The following SPATA13 variants were observed in gnomAD, a reference collection of about 807,000 sequenced individuals.
SPATA13 encodes the protein spermatogenesis-associated protein 13.
A neutral mutation model predicts 104.0 loss-of-function variants in SPATA13; 50 were observed. The observed-to-expected ratio is 0.48, with a 90% CI of 0.38 to 0.61. The LOEUF (loss-of-function observed/expected upper bound fraction) is 0.61, where lower values mean the gene tolerates loss of function less well. Ranked by LOEUF, SPATA13 falls within the 20% of genes least tolerant of loss-of-function variation. The pLI is 0.00. For synonymous variants in SPATA13, 606 were observed against 667.5 expected, an observed-to-expected ratio of 0.91 and a Z score of 1.42; for missense variants, 1,524 against 1,690.6, an observed-to-expected ratio of 0.90 and a Z score of 1.73.
chr13:24,187,780 C>T (rs1023668279), intron 1 of SPATA13, among the ~76,000 whole-genome samples: 9 of 152,144 alleles, frequency 5.9e-5, no homozygotes, highest in Non-Finnish European at 1.3e-4. Flanking sequence ...GCTGGCCACT[C>T]CCAGTCTCTC....
chr13:24,057,148 G>A (rs1309266727), intron 3 of SPATA13, among the ~76,000 whole-genome samples: 1 of 149,464 alleles, frequency 6.7e-6, no homozygotes, highest in Non-Finnish European at 1.5e-5. Context: ...TGTTACATAT[G>A]TATACATGTG....
chr13:24,182,473 A>T (rs924805879), intron 1 of SPATA13, among the ~76,000 whole-genome samples: 10 of 142,136 alleles, frequency 7.0e-5, no homozygotes, highest in Middle Eastern at 3.6e-3. Flanking sequence ...TCACATGATG[A>T]GAGAGGAAGT....
At position 24,189,493 on chromosome 13, in the gene SPATA13, A is replaced by G. The variant is rs1223157799; in HGVS notation, c.-112+28561A>G. Among the ~76,000 whole-genome samples the G allele has an allele frequency of 5.7e-3, 771 of 134,728 alleles. 8 individuals carry two copies. Among genetic ancestry groups the G allele is most frequent in the African/African-American group, 0.021 (721 of 34,034 alleles). The allele number at this position is 134,728 out of a possible 152,430, so 88.4% of individuals were successfully genotyped here. A position where few individuals can be genotyped will look rare whatever the true frequency, so the allele number is the denominator to read the frequency against. ...CATCTCTCTCTCTCTCTATATATAT[A>G]CGTGTATATATATATATAATATATT... On this transcript the variant is annotated intron_variant, in intron 1 of 12. Coordinates refer to ENST00000382108, the MANE Select transcript of SPATA13 (RefSeq NM_001166271.3).
At chr13:24,021,344 C>T (rs539787662) in intron 3 of SPATA13, among the ~76,000 whole-genome samples, 128 of 152,238 alleles carry the variant, frequency 8.4e-4, no homozygotes, top group African/African-American at 2.9e-3. Context: ...GAATATCAGG[C>T]ATAGGGCAGA....
At chr13:24,123,119 AT>A in intron 3 of SPATA13, 1 of 1,011,290 alleles carries the variant, frequency 9.9e-7, no homozygotes, top group Non-Finnish European at 1.6e-6. Flanking sequence ...TCTGAATTGC[AT>A]GGGTAAGGTC....
chr13:24,283,750 T>C (rs1593497020), intron 4 of SPATA13, among the ~76,000 whole-genome samples: 1 of 152,234 alleles, frequency 6.6e-6, no homozygotes, highest in Non-Finnish European at 1.5e-5. Flanking sequence ...GGAAGCAGAA[T>C]ATTGGATCAT....
chr13:24,135,131 G>A (rs557555183), intron 3 of SPATA13, among the ~76,000 whole-genome samples: 2 of 152,126 alleles, frequency 1.3e-5, no homozygotes, highest in African/African-American at 4.8e-5. Flanking sequence ...CTCCAGAGCC[G>A]CAGGAAAATA....
chr13:24,050,987 G>A (rs1878319423), intron 3 of SPATA13, among the ~76,000 whole-genome samples: 1 of 152,186 alleles, frequency 6.6e-6, no homozygotes, highest in Admixed American at 6.5e-5. Context: ...GGGTTTTCCA[G>A]CTGTTTTTGC....
chr13:24,069,425 C>T (rs1879082557), intron 3 of SPATA13, among the ~76,000 whole-genome samples: 1 of 152,178 alleles, frequency 6.6e-6, no homozygotes, highest in Non-Finnish European at 1.5e-5. Flanking sequence ...CTTGGCTTCA[C>T]TGTTTTGGTA....
intron 2 of SPATA13, among the ~76,000 whole-genome samples, chr13:24,240,936 C>T (rs1872802029): frequency 6.6e-6 from 1 of 152,188 alleles, no homozygotes; most frequent in East Asian, 1.9e-4. Context: ...CAAACTGCTT[C>T]CTGAATCCAA....
chr13:24,286,324 C>T lies in SPATA13; in HGVS notation c.2412C>T (p.Ala804=). The T allele has an allele frequency of 6.2e-7, 1 of 1,613,632 alleles. No individual in the cohort carries two copies. The highest frequency in any genetic ancestry group is 2.2e-5 in the East Asian group (1 of 44,876). The part of the protein sequence containing the change: ...KAGDVIQVLE[A]SNKDWWWGRS... ...GGGATGTCATCCAGGTTCTGGAAGC[C>T]TCCAACAAGGACTGGTGGTGGGGCC... is the stretch of plus-strand genomic sequence containing the variant. The change falls in exon 6 of 13, where the codon GCC becomes GCT. Residue 804 remains alanine, a synonymous_variant. Coordinates refer to ENST00000382108, the MANE Select transcript of SPATA13 (RefSeq NM_001166271.3). This position sits in a 1 kb window ranked among gnomAD's most constrained non-coding sequence, Gnocchi z 4.9.
intron 4 of SPATA13, among the ~76,000 whole-genome samples, chr13:24,280,485 G>A (rs903978762): frequency 8.5e-5 from 10 of 117,866 alleles, no homozygotes; most frequent in Non-Finnish European, 1.2e-4. Context: ...ATTTTACTGA[G>A]ATGCACTTTT....
At chr13:24,301,578 A>T (rs1877185964) in intron 12 of SPATA13, among the ~76,000 whole-genome samples, 1 of 152,234 alleles carries the variant, frequency 6.6e-6, no homozygotes. Context: ...AGGACTGCTG[A>T]CGTTCACAGG....
intron 3 of SPATA13, among the ~76,000 whole-genome samples, chr13:24,118,905 T>C (rs1880940170): frequency 1.1e-5 from 1 of 90,202 alleles, no homozygotes; most frequent in Admixed American, 1.4e-4. Context: ...ATTTTTCTTT[T>C]CTTTTCTTTT....
intron 3 of SPATA13, among the ~76,000 whole-genome samples, chr13:24,060,625 C>T (rs111422021): frequency 0.043 from 6,603 of 152,272 alleles, 190 homozygotes; most frequent in South Asian, 0.12. Context: ...GCAAAAGAAA[C>T]TATCAACAGA....
chr13:24,138,991 T>G (rs1173516503), intron 3 of SPATA13, among the ~76,000 whole-genome samples: 1 of 152,188 alleles, frequency 6.6e-6, no homozygotes, highest in Non-Finnish European at 1.5e-5. Flanking sequence ...AAACAAATTA[T>G]TATAAAGCAA....
At chr13:24,240,208 C>T (rs886316275) in intron 2 of SPATA13, among the ~76,000 whole-genome samples, 3 of 151,756 alleles carry the variant, frequency 2.0e-5, no homozygotes, top group African/African-American at 4.8e-5. Flanking sequence ...TGCAATGAGC[C>T]GTGATTGCAC....
At chr13:24,162,066 T>C (rs1421705044) in intron 1 of SPATA13, among the ~76,000 whole-genome samples, 5 of 152,072 alleles carry the variant, frequency 3.3e-5, no homozygotes, top group Non-Finnish European at 7.4e-5. Context: ...ATTCTCGGGG[T>C]GCCTGTCATG....
At chr13:24,015,634 A>G (rs952418452) in intron 2 of SPATA13, among the ~76,000 whole-genome samples, 1 of 152,122 alleles carries the variant, frequency 6.6e-6, no homozygotes, top group African/African-American at 2.4e-5. Context: ...TTTTCTGCTC[A>G]TGGTTCATCC....
Sources: allele counts gnomAD v4.1 joint callset (sites outside exome capture counted in the v4.1 genomes callset), GRCh38; gene constraint gnomAD v4.1.1; non-coding constraint Gnocchi (gnomAD v3.1); transcripts MANE v1.5; gene names NCBI Gene and HGNC (gene_info 2026-07-23, HGNC 2026-07-21).